The following PRR5 variants were observed in gnomAD, a reference collection of about 807,000 sequenced individuals.
PRR5 encodes the protein proline-rich protein 5.
Under a neutral mutation model 30.6 loss-of-function variants are expected in PRR5, and 25 were observed. That is an observed-to-expected ratio of 0.82 (90% CI 0.60 to 1.14). The LOEUF is 1.14. Among genes scored for constraint, PRR5 ranks in the 50% most tolerant of loss-of-function variants. The pLI is 0.00. For missense variants in PRR5, 600 were observed against 547.1 expected (o/e 1.10, Z -0.96); for synonymous variants, 286 against 247.1 (o/e 1.16, Z -1.48).
upstream of PRR5, among the ~76,000 whole-genome samples, chr22:44,672,572 C>A (rs531801380): frequency 6.6e-6 from 1 of 152,102 alleles, no homozygotes; most frequent in Non-Finnish European, 1.5e-5. Flanking sequence ...CAAGACAGAG[C>A]GAGACACCGT....
chr22:44,736,686 G>A (rs1923319623), intron 7 of PRR5, 86 bp from the exon 8 acceptor site: 4 of 1,490,626 alleles, frequency 2.7e-6, no homozygotes, highest in Admixed American at 2.3e-5. Flanking sequence ...CCTGCACAGG[G>A]ACCCAGTGTG....
At chr22:44,701,697 A>T (rs753000430), upstream of PRR5, among the ~76,000 whole-genome samples, 7 of 152,192 alleles carry the variant, frequency 4.6e-5, no homozygotes, top group Non-Finnish European at 8.8e-5. Context: ...TCCCTGTCCA[A>T]GGGGGTCTAG....
chr22:44,702,531 C>T lies in PRR5; in HGVS notation c.57C>T (p.Gly19=), dbSNP rs781653261. The T allele has an allele frequency of 4.1e-6, 6 of 1,463,054 alleles. No homozygotes were observed. Among genetic ancestry groups the T allele is most frequent in the Non-Finnish European group, 5.4e-6 (6 of 1,105,642 alleles). 90.6% of individuals were successfully genotyped at this position (1,463,054 alleles called of 1,614,324 possible). A position where few individuals can be genotyped will look rare whatever the true frequency, so the allele number is the denominator to read the frequency against. ...FMSSPSLSDL[G]KREPAAAADE... Reference sequence around the variant, plus strand: ...GTTCGCCCAGCCTCAGTGACCTGGGCAAGAGAGAGCCGGCCGCCGCCGCGG... The same window carrying T: ...GTTCGCCCAGCCTCAGTGACCTGGGTAAGAGAGAGCCGGCCGCCGCCGCGG... Residue 19 remains glycine, a synonymous_variant, in exon 1 of 8, where the codon GGC becomes GGT. Transcript: ENST00000336985.
upstream of PRR5, among the ~76,000 whole-genome samples, chr22:44,701,725 TG>T (rs1202761768): frequency 6.6e-6 from 1 of 151,686 alleles, no homozygotes; most frequent in Non-Finnish European, 1.5e-5. Flanking sequence ...CCGGGTGGAG[TG>T]GGTTCTTGGG....
chr22:44,711,787 C>A (rs952545087), intron 1 of PRR5, among the ~76,000 whole-genome samples: 5 of 152,102 alleles, frequency 3.3e-5, no homozygotes, highest in Non-Finnish European at 7.4e-5. Flanking sequence ...TACCTCCACT[C>A]GCCATATCCC....
chr22:44,714,517 G>A lies in PRR5; in HGVS notation c.135-74G>A, dbSNP rs1928752287. 3.8e-6 allele frequency: 6 copies of A among 1,579,368 alleles called. No individual in the cohort carries two copies. The South Asian group carries it at 4.5e-5, about 12-fold the overall frequency. On this transcript the variant is annotated intron_variant, in intron 1 of 7. Coordinates refer to ENST00000336985, the MANE Select transcript of PRR5 (RefSeq NM_181333.4). ...TGCCCTTCTAGGAGAGAGGGAAAGA[G>A]GAATGGGGCCTGATGGGCAACCAGG... is the stretch of plus-strand genomic sequence containing the variant.
chr22:44,725,052 G>A (rs1383175188), intron 2 of PRR5, among the ~76,000 whole-genome samples, 192 bp from the exon 3 acceptor site: 1 of 152,214 alleles, frequency 6.6e-6, no homozygotes, highest in Non-Finnish European at 1.5e-5. Context: ...TGCGGACCAT[G>A]GAGGCCCCGG....
At chr22:44,673,831 G>GC (rs1923560450), upstream of PRR5, among the ~76,000 whole-genome samples, 1 of 152,148 alleles carries the variant, frequency 6.6e-6, no homozygotes, top group African/African-American at 2.4e-5. Flanking sequence ...GAGAGGGTGG[G>GC]CCCACGTTCT....
At chr22:44,705,844 G>A (rs1013365766) in intron 1 of PRR5, among the ~76,000 whole-genome samples, 2 of 152,028 alleles carry the variant, frequency 1.3e-5, no homozygotes, top group Admixed American at 6.6e-5. Context: ...AGGCTGGAGT[G>A]CAGTGGTGCA....
chr22:44,702,856 C>CGGCGGGTGGGCGGCGG (rs1374948917), intron 1 of PRR5, among the ~76,000 whole-genome samples: 4 of 152,214 alleles, frequency 2.6e-5, no homozygotes, highest in African/African-American at 9.6e-5. Flanking sequence ...CAGAAGCGCC[C>CGGCGGGTGGGCGGCGG]GGCGGGTGGG....
chr22:44,684,787 T>C (rs1924600123), intron 1 of PRR5, among the ~76,000 whole-genome samples: 2 of 152,252 alleles, frequency 1.3e-5, no homozygotes, highest in African/African-American at 4.8e-5. Context: ...AGCCCCTTCC[T>C]GTCGCTCTGG....
At chr22:44,729,948 G>C in intron 4 of PRR5, 3 of 985,422 alleles carry the variant, frequency 3.0e-6, no homozygotes, top group Non-Finnish European at 3.6e-6. Context: ...GGCACAGTTC[G>C]GCGGGGCGGT....
rs1050911370 is a variant in PRR5, at chr22:44,712,714, G to A, written c.135-1877G>A. Among the ~76,000 whole-genome samples, 11 of 152,330 alleles carry A rather than the reference G, an allele frequency of 7.2e-5. No homozygotes were observed. The South Asian group carries it at 8.3e-4, about 11-fold the overall frequency. On this transcript the variant is annotated intron_variant, in intron 1 of 7. Transcript: ENST00000336985. Reference sequence around the variant, plus strand: ...CCTGCTTTGTGGTGTGGGCAGCATCGTGTGGACAGCTGTCCCCTCCAAGGT... The same window carrying A: ...CCTGCTTTGTGGTGTGGGCAGCATCATGTGGACAGCTGTCCCCTCCAAGGT...
intron 1 of PRR5, among the ~76,000 whole-genome samples, chr22:44,690,254 G>T (rs982088674): frequency 6.6e-6 from 1 of 152,196 alleles, no homozygotes; most frequent in East Asian, 1.9e-4. Flanking sequence ...GTGTGGGCAG[G>T]TGAATGTCCA....
rs1179358351 is a variant in PRR5 at position 44,691,511 on chromosome 22, G to C, written c.-10-10981G>C. ...TTGGGGCCCCTCCAGCGCCCCTGCA[G>C]TTTGGGAGGCCGAGCAGTTTGGGAG... On this transcript the variant is annotated intron_variant, in intron 1 of 8. Coordinates refer to the PRR5 transcript ENST00000006251. The surrounding 1 kb of genome is among the most constrained non-coding windows in gnomAD (Gnocchi z 4.4). Among the ~76,000 whole-genome samples the C allele has an allele frequency of 6.6e-6, 1 of 152,104 alleles. No homozygotes were observed. The highest frequency in any genetic ancestry group is 6.5e-5 in the Admixed American group (1 of 15,278).
In PRR5 at chr22:44,732,308, C is replaced by T. The variant is rs1276324003; in HGVS notation, c.472C>T (p.Leu158Phe). The T allele has an allele frequency of 8.1e-6, 13 of 1,612,436 alleles. No homozygotes were observed. The highest frequency in any genetic ancestry group is 1.1e-5 in the Non-Finnish European group (13 of 1,179,982). The change falls in exon 6 of 8, where the codon CTC becomes TTC. Residue 158 changes from leucine (L) to phenylalanine (F), a missense_variant. Coordinates refer to ENST00000336985, the MANE Select transcript of PRR5 (RefSeq NM_181333.4). ...GCTGCACTTCCGGAATGCCATCACC[C>T]TCAGTGTGAAGCTAGAGGATGCGCT... ...ALLHFRNAIT[L>F]SVKLEDALAR...
intron 4 of PRR5, among the ~76,000 whole-genome samples, chr22:44,726,974 C>T (rs2048573597): frequency 2.0e-5 from 3 of 152,102 alleles, no homozygotes; most frequent in Non-Finnish European, 4.4e-5. Context: ...CTTTGGGGGT[C>T]AGAGGAGAAG....
chr22:44,732,883 C>T (rs132400), intron 6 of PRR5, among the ~76,000 whole-genome samples: 147,467 of 148,958 alleles, frequency 0.99, 72,995 homozygotes, highest in African/African-American at 0.99. Context: ...ACTGCACACA[C>T]ACACCACACA....
chr22:44,717,095 A>G (rs1232997010), intron 2 of PRR5, among the ~76,000 whole-genome samples: 2 of 151,982 alleles, frequency 1.3e-5, no homozygotes, highest in African/African-American at 2.4e-5. Context: ...TTAATTATAC[A>G]TTAAATCCAT....
Sources: gnomAD v4.1 joint callset for allele counts (sites outside exome capture counted in the v4.1 genomes callset) on GRCh38, gnomAD v4.1.1 for gene constraint, Gnocchi (gnomAD v3.1) non-coding constraint, MANE v1.5 for transcripts, NCBI Gene and HGNC (gene_info 2026-07-23, HGNC 2026-07-21) for gene names.